The following SMAP1 variants were observed in gnomAD, a reference collection of about 807,000 sequenced individuals.
The protein encoded by SMAP1 is stromal membrane-associated protein 1.
A neutral mutation model predicts 58.5 loss-of-function variants in SMAP1; 24 were observed. That is an observed-to-expected ratio of 0.41 (90% CI 0.30 to 0.58). The LOEUF is 0.58. SMAP1 is among the 20% of genes least tolerant of loss of function. The probability of loss-of-function intolerance (pLI) is 0.29; values close to 1 mark genes in which losing one functional copy is unlikely to be tolerated. For missense variants in SMAP1, 563 were observed against 566.3 expected (o/e 0.99, Z 0.06); for synonymous variants, 216 against 196.6 (o/e 1.10, Z -0.82).
Position 70,858,102 on chromosome 6 carries a change from A to G in SMAP1, c.1142A>G (p.Gln381Arg), listed in dbSNP as rs1771514081. ...PMPNGFMGNA[Q>R]TGVMPLPQNV... ...CCCAATGGGTTTATGGGAAATGCAC[A>G]AACTGGTGTGATGCCACTTCCTCAG... The change falls in exon 10 of 11, where the codon CAA becomes CGA. Residue 381 changes from glutamine to arginine, a missense_variant. Transcript: ENST00000370455. 1.2e-6 allele frequency: 2 copies of G among 1,614,078 alleles called. No individual in the cohort carries two copies. Among genetic ancestry groups the G allele is most frequent in the Non-Finnish European group, 8.5e-7 (1 of 1,180,012 alleles).
Position 70,760,203 on chromosome 6 carries a change from A to G in SMAP1, c.338+5138A>G, listed in dbSNP as rs1271736935. 3.9e-5 allele frequency among the ~76,000 whole-genome samples: 6 copies of G among 152,200 alleles called. No homozygotes were observed. In the South Asian group the frequency reaches 8.3e-4, roughly 21 times the overall value. On this transcript the variant is annotated intron_variant, in intron 3 of 10. Coordinates refer to ENST00000370455, the MANE Select transcript of SMAP1 (RefSeq NM_001044305.3). ...ATTGTAAGATCTAGGTGAAGATTTCAACTTTTCATTACCTGGTATGATTTA... is the reference window on the plus strand; with the variant it reads ...ATTGTAAGATCTAGGTGAAGATTTCGACTTTTCATTACCTGGTATGATTTA...
rs997270822 is a variant in SMAP1, at chr6:70,859,312, C to T, written c.1270-888C>T. The T allele has an allele frequency of 5.7e-5, 87 of 1,538,346 alleles. 1 individual carries two copies. The highest frequency in any genetic ancestry group is 7.5e-5 in the Non-Finnish European group (85 of 1,139,856). On this transcript the variant is annotated intron_variant, in intron 10 of 10. Transcript: ENST00000370455. ...TAGATGAACCAGGAAGGAGTTAATA[C>T]TGGCTCTTACTTCCAGATAATGCAG...
chr6:70,832,904 C>T (rs113818218), intron 6 of SMAP1, among the ~76,000 whole-genome samples: 6 of 152,264 alleles, frequency 3.9e-5, no homozygotes, highest in African/African-American at 1.4e-4. Context: ...TTGGGTGACA[C>T]ATTCCAACAA....
At chr6:70,827,591 AT>A (rs1327847959) in intron 6 of SMAP1, among the ~76,000 whole-genome samples, 1 of 152,252 alleles carries the variant, frequency 6.6e-6, no homozygotes, top group African/African-American at 2.4e-5. Flanking sequence ...AATGTAAAAT[AT>A]GCTATATCAT....
rs554760625 is a variant in SMAP1 at position 70,861,499 on chromosome 6, T to TTAAC, written c.*1167_*1170dup. On this transcript the variant is annotated 3_prime_UTR_variant, in exon 11 of 11. Coordinates refer to ENST00000370455, the MANE Select transcript of SMAP1 (RefSeq NM_001044305.3). ...GTACCAACCATCCAATTAGCTTATG[T>TTAAC]TAACTGACAAGCTCCATTTAAACAG... The TTAAC allele has an allele frequency of 5.5e-4, 342 of 626,030 alleles. 4 individuals carry two copies. In the South Asian group the frequency reaches 5.5e-3, roughly 10 times the overall value. 38.8% of individuals were successfully genotyped at this position (626,030 alleles called of 1,614,324 possible).
In SMAP1 at chr6:70,734,292, C is replaced by T. The variant is rs145656691; in HGVS notation, c.252+1781C>T. Reference sequence around the variant, plus strand: ...TCCCAAGTAGCTGGGATTACAGGTGCGTGCCACCATGTGTTGCTAATTTTT... The same window carrying T: ...TCCCAAGTAGCTGGGATTACAGGTGTGTGCCACCATGTGTTGCTAATTTTT... On this transcript the variant is annotated intron_variant, in intron 2 of 10. Transcript: ENST00000370455. 2.2e-3 allele frequency among the ~76,000 whole-genome samples: 341 copies of T among 152,106 alleles called. 2 individuals carry two copies. The highest frequency in any genetic ancestry group is 7.8e-3 in the African/African-American group (322 of 41,492).
Position 70,732,330 on chromosome 6 carries a change from T to C in SMAP1, c.119-48T>C, listed in dbSNP as rs750531613. On this transcript the variant is annotated intron_variant, in intron 1 of 10. Coordinates refer to ENST00000370455, the MANE Select transcript of SMAP1 (RefSeq NM_001044305.3). ...CTTCTAATATGCTGTTATGTTTATT[T>C]TTGTTTTTAACATTTGCTTTTTTTT... The C allele has an allele frequency of 1.9e-6, 3 of 1,569,458 alleles. No homozygotes were observed. In the Admixed American group the frequency reaches 5.6e-5, roughly 29 times the overall value.
chr6:70,768,103 A>C (rs1375317279), intron 3 of SMAP1, among the ~76,000 whole-genome samples: 1 of 152,146 alleles, frequency 6.6e-6, no homozygotes, highest in East Asian at 1.9e-4. Flanking sequence ...GATGAAGCCC[A>C]CTTGATCATG....
At chr6:70,697,650 T>G (rs897292171) in intron 1 of SMAP1, among the ~76,000 whole-genome samples, 1 of 152,190 alleles carries the variant, frequency 6.6e-6, no homozygotes, top group Non-Finnish European at 1.5e-5. Flanking sequence ...GTGGTATGTT[T>G]TAATTCATTG....
At chr6:70,775,066 G>T (rs141175347) in intron 4 of SMAP1, among the ~76,000 whole-genome samples, 2 of 151,934 alleles carry the variant, frequency 1.3e-5, no homozygotes, top group African/African-American at 4.8e-5. Flanking sequence ...TTAGAGCAAA[G>T]ATATCCTTGT....
At chr6:70,730,313 T>TC (rs869155315) in intron 1 of SMAP1, among the ~76,000 whole-genome samples, 1 of 77,764 alleles carries the variant, frequency 1.3e-5, no homozygotes, top group Admixed American at 1.2e-4. Context: ...CACCTTGGCT[T>TC]CCCAAGTGCA....
At chr6:70,730,581 T>C (rs1765391554) in intron 1 of SMAP1, among the ~76,000 whole-genome samples, 1 of 152,188 alleles carries the variant, frequency 6.6e-6, no homozygotes, top group South Asian at 2.1e-4. Context: ...TGTTTGCCAG[T>C]TTATAGATGT....
At chr6:70,806,561 T>A (rs960683498) in intron 6 of SMAP1, among the ~76,000 whole-genome samples, 1 of 152,146 alleles carries the variant, frequency 6.6e-6, no homozygotes, top group Non-Finnish European at 1.5e-5. Flanking sequence ...CAGTTGGAAA[T>A]GCAGAAATCA....
At chr6:70,708,840 T>C (rs1431527003) in intron 1 of SMAP1, among the ~76,000 whole-genome samples, 10 of 152,194 alleles carry the variant, frequency 6.6e-5, no homozygotes, top group African/African-American at 2.4e-4. Flanking sequence ...TGCTAGTAAG[T>C]TTTAAAAAAA....
intron 1 of SMAP1, among the ~76,000 whole-genome samples, chr6:70,685,285 CTTTTT>C (rs367665070): frequency 1.4e-5 from 2 of 146,516 alleles, no homozygotes; most frequent in Non-Finnish European, 3.0e-5. Flanking sequence ...GTAGTTAATA[CTTTTT>C]TTTTTTTTTA....
chr6:70,789,393 T>G (rs1372774196), intron 4 of SMAP1, among the ~76,000 whole-genome samples: 1 of 150,398 alleles, frequency 6.6e-6, no homozygotes, highest in Non-Finnish European at 1.5e-5. Context: ...TCACCATAGA[T>G]TATATTTTCT....
intron 3 of SMAP1, among the ~76,000 whole-genome samples, chr6:70,760,555 T>A (rs942349109): frequency 4.6e-5 from 7 of 152,164 alleles, no homozygotes; most frequent in African/African-American, 1.7e-4. Flanking sequence ...TATGAAACAC[T>A]GTAATTTGGA....
intron 2 of SMAP1, among the ~76,000 whole-genome samples, chr6:70,738,393 AT>A (rs900240011): frequency 2.7e-5 from 4 of 149,626 alleles, no homozygotes; most frequent in Non-Finnish European, 5.9e-5. Flanking sequence ...TGTAAGACAG[AT>A]TTTTTTTTCT....
At chr6:70,749,626 C>T (rs923353478) in intron 2 of SMAP1, among the ~76,000 whole-genome samples, 3 of 151,700 alleles carry the variant, frequency 2.0e-5, no homozygotes, top group Admixed American at 2.0e-4. Context: ...CAGTAAACCT[C>T]AAAGGACAAG....
Sources: gnomAD v4.1 joint callset for allele counts (sites outside exome capture counted in the v4.1 genomes callset) on GRCh38, gnomAD v4.1.1 for gene constraint, MANE v1.5 for transcripts, NCBI Gene and HGNC (gene_info 2026-07-23, HGNC 2026-07-21) for gene names.